PLEKHG4B: variants seen among roughly 807,000 people sequenced by gnomAD.
The protein encoded by PLEKHG4B is pleckstrin homology domain-containing family G member 4B.
In PLEKHG4B, 111 loss-of-function variants were observed where a neutral mutation model predicts 121.3. The ratio of observed to expected loss-of-function variants is 0.92; its 90% CI spans 0.78 to 1.07. The LOEUF (loss-of-function observed/expected upper bound fraction) is 1.07. PLEKHG4B is among the 50% of genes least tolerant of loss of function. PLEKHG4B has a pLI of 0.00. For missense variants in PLEKHG4B, 1,831 were observed against 1,757.8 expected (o/e 1.04, Z -0.74); for synonymous variants, 738 against 725.0 (o/e 1.02, Z -0.29).
intron 1 of PLEKHG4B, among the ~76,000 whole-genome samples, chr5:110,656 G>C (rs1734129411): frequency 6.7e-6 from 1 of 149,980 alleles, no homozygotes; most frequent in Non-Finnish European, 1.5e-5. Flanking sequence ...CACACAATCT[G>C]CAACACACGT....
chr5:158,281 C>T (rs572521555), intron 11 of PLEKHG4B, among the ~76,000 whole-genome samples: 1 of 140,384 alleles, frequency 7.1e-6, no homozygotes, highest in South Asian at 2.4e-4. Flanking sequence ...TCCTCTCCTC[C>T]CTCTGCCCAT....
chr5:131,783 C>A (rs543254725), intron 2 of PLEKHG4B, among the ~76,000 whole-genome samples: 1 of 152,220 alleles, frequency 6.6e-6, no homozygotes, highest in African/African-American at 2.4e-5. Flanking sequence ...CTGTTGTTTC[C>A]TGACTTTTTA....
intron 6 of PLEKHG4B, among the ~76,000 whole-genome samples, chr5:149,417 T>G (rs773594917): frequency 6.6e-6 from 1 of 152,046 alleles, no homozygotes; most frequent in Non-Finnish European, 1.5e-5. Flanking sequence ...GGTGCATGTT[T>G]GTAGTCCTAG....
intron 12 of PLEKHG4B, 75 bp downstream of exon 12, chr5:162,019 T>A: frequency 6.7e-7 from 1 of 1,487,882 alleles, no homozygotes; most frequent in South Asian, 1.3e-5. Flanking sequence ...GTGCCTCCCC[T>A]CACAAGCTGG....
chr5:165,142 G>A lies in PLEKHG4B; in HGVS notation c.3476+1594G>A, dbSNP rs1395968720. ...AGCTCACACAGTAATGCTGTGACGG[G>A]GCGGAGCTCACACTAATGCTCTGAC... On this transcript the variant is annotated intron_variant, in intron 13 of 19. Transcript: ENST00000637938. Among the ~76,000 whole-genome samples, 6 of 102,924 alleles carry A rather than the reference G, an allele frequency of 5.8e-5. 1 individual carries two copies. Among genetic ancestry groups the A allele is most frequent in the Admixed American group, 9.6e-5 (1 of 10,456 alleles). The allele number at this position is 102,924 out of a possible 152,430, so 67.5% of individuals were successfully genotyped here.
At chr5:147,006 C>A (rs1287315003) in intron 6 of PLEKHG4B, among the ~76,000 whole-genome samples, 1 of 152,164 alleles carries the variant, frequency 6.6e-6, no homozygotes, top group African/African-American at 2.4e-5. Context: ...ACATTGAGCC[C>A]TGCAGTGGCA....
rs781325915 is a variant in PLEKHG4B, at chr5:171,074, G to A, written c.3761G>A (p.Ser1254Asn). The part of the protein sequence containing the change: ...EEQFGMYVIY[S>N]KNKPQSDALL... ...CAGTTTGGGATGTACGTGATCTACA[G>A]CAAAAACAAGCCGCAGTCGGATGCC... The change falls in exon 15 of 20, where the codon AGC (serine) becomes AAC (asparagine). Residue 1254 changes from serine (S) to asparagine (N), a missense_variant. By Grantham distance (46) the Ser-to-Asn change is conservative. Coordinates refer to ENST00000637938, the MANE Select transcript of PLEKHG4B (RefSeq NM_052909.5). The A allele has an allele frequency of 5.0e-6, 8 of 1,613,090 alleles. No homozygotes were observed. In the Middle Eastern group the frequency reaches 5.0e-4, roughly 100 times the overall value.
intron 18 of PLEKHG4B, among the ~76,000 whole-genome samples, chr5:178,604 T>C (rs1463348307): frequency 6.6e-6 from 1 of 152,112 alleles, no homozygotes; most frequent in Non-Finnish European, 1.5e-5. Flanking sequence ...ATTTTTCTTT[T>C]TGTTCTGTCA....
At chr5:172,116 C>T (rs1243425973) in intron 16 of PLEKHG4B, among the ~76,000 whole-genome samples, 3 of 152,214 alleles carry the variant, frequency 2.0e-5, no homozygotes, top group Non-Finnish European at 4.4e-5. Context: ...CCCACATGAG[C>T]TGGAAAAGGC....
rs772090730 is a variant in PLEKHG4B at position 173,080 on chromosome 5, C to T, written c.4221+13C>T. On this transcript the variant is annotated intron_variant, in intron 17 of 19. Transcript: ENST00000637938. ...GCAGTCCTTCAAGGTAGCACCCGCC[C>T]GGTCCGATTGGGTGCAGGCCGAGCC... 32 of 1,612,764 alleles carry T rather than the reference C, an allele frequency of 2.0e-5. No individual in the cohort carries two copies. Among genetic ancestry groups the T allele is most frequent in the Middle Eastern group, 1.7e-4 (1 of 6,034 alleles).
At position 139,703 on chromosome 5, in the gene PLEKHG4B, ATGGCTGTG is replaced by A. The variant is rs2126396479; in HGVS notation, c.466_473del (p.Gly156LeufsTer39). The A allele has an allele frequency of 2.5e-6, 1 of 398,842 alleles. No individual in the cohort carries two copies. The highest frequency in any genetic ancestry group is 3.6e-5 in the East Asian group (1 of 28,058). The allele number at this position is 398,842 out of a possible 1,614,324, so 24.7% of individuals were successfully genotyped here. Reference sequence around the variant, plus strand: ...GAAGTCACCGTCCCTGAGGCCATGTATGGCTGTGTCTTCACGGGGGCGTTCCTGGAGTG... The same window carrying A: ...GAAGTCACCGTCCCTGAGGCCATGTATCTTCACGGGGGCGTTCCTGGAGTG... On this transcript the variant is annotated frameshift_variant, in exon 3 of 20. Transcript: ENST00000637938. LOFTEE classifies it high-confidence loss of function. The surrounding 1 kb of genome is among the most constrained non-coding windows in gnomAD (Gnocchi z 5.0).
At chr5:170,725 C>G (rs867867043) in intron 14 of PLEKHG4B, among the ~76,000 whole-genome samples, 2 of 152,276 alleles carry the variant, frequency 1.3e-5, no homozygotes, top group African/African-American at 2.4e-5. Context: ...CCAATGCCCC[C>G]CACGCCCTCC....
At chr5:106,575 G>A (rs567259829) in intron 1 of PLEKHG4B, among the ~76,000 whole-genome samples, 4 of 152,320 alleles carry the variant, frequency 2.6e-5, no homozygotes, top group East Asian at 1.9e-4. Flanking sequence ...TGTCCACAGC[G>A]TGCTCACATT....
intron 6 of PLEKHG4B, among the ~76,000 whole-genome samples, chr5:149,428 C>CTACT (rs1374911974): frequency 6.6e-6 from 1 of 151,968 alleles, no homozygotes; most frequent in Non-Finnish European, 1.5e-5. Context: ...GTAGTCCTAG[C>CTACT]TACTTAAGGG....
intron 2 of PLEKHG4B, among the ~76,000 whole-genome samples, chr5:135,688 T>TATAG (rs1734958437): frequency 2.5e-5 from 1 of 39,306 alleles, no homozygotes; most frequent in Non-Finnish European, 4.6e-5. Flanking sequence ...AAAAAATATA[T>TATAG]ATATATATAT....
intron 2 of PLEKHG4B, among the ~76,000 whole-genome samples, chr5:115,054 C>T (rs1435790820): frequency 6.6e-6 from 1 of 152,240 alleles, no homozygotes; most frequent in South Asian, 2.1e-4. Flanking sequence ...TGAGATCCAT[C>T]AGAGGAATCA....
At chr5:138,200 T>G (rs1735040988) in intron 2 of PLEKHG4B, among the ~76,000 whole-genome samples, 1 of 152,226 alleles carries the variant, frequency 6.6e-6, no homozygotes, top group Admixed American at 6.5e-5. Context: ...TATTTTCTAG[T>G]TTTCTGCATT....
rs778880251 is a variant in PLEKHG4B at position 143,294 on chromosome 5, C to T, written c.1687+38C>T. On this transcript the variant is annotated intron_variant, in intron 4 of 19. Coordinates refer to ENST00000637938, the MANE Select transcript of PLEKHG4B (RefSeq NM_052909.5). Reference sequence around the variant, plus strand: ...GCCAGGCTCTCCTGTCAGGGCGGATCTGACATCTAAGCCGACAGCACAGAC... The same window carrying T: ...GCCAGGCTCTCCTGTCAGGGCGGATTTGACATCTAAGCCGACAGCACAGAC... 3.1e-6 allele frequency: 5 copies of T among 1,608,550 alleles called. No homozygotes were observed. The South Asian group carries it at 5.5e-5, about 18-fold the overall frequency.
intron 2 of PLEKHG4B, among the ~76,000 whole-genome samples, chr5:132,293 T>C (rs1198543202): frequency 6.6e-6 from 1 of 152,218 alleles, no homozygotes; most frequent in Non-Finnish European, 1.5e-5. Flanking sequence ...ACTTTAGCTG[T>C]TAGTCCTTTG....
Sources: allele counts gnomAD v4.1 joint callset (sites outside exome capture counted in the v4.1 genomes callset), GRCh38; gene constraint gnomAD v4.1.1; non-coding constraint Gnocchi (gnomAD v3.1); transcripts MANE v1.5; gene names NCBI Gene and HGNC (gene_info 2026-07-23, HGNC 2026-07-21).